ZNF846: variants seen among roughly 807,000 people sequenced by gnomAD.
ZNF846 encodes the protein zinc finger protein 846, also known as zinc finger protein 420 pseudogene.
In ZNF846, 15 loss-of-function variants were observed where a neutral mutation model predicts 16.0. That is an observed-to-expected ratio of 0.94 (90% CI 0.63 to 1.45). The LOEUF (loss-of-function observed/expected upper bound fraction) is 1.45, where lower values mean the gene tolerates loss of function less well. Ranked by LOEUF, ZNF846 falls within the 40% of genes most tolerant of loss-of-function variation. The probability of loss-of-function intolerance (pLI) is 0.00; values close to 1 mark genes in which losing one functional copy is unlikely to be tolerated. For missense variants in ZNF846, 714 were observed against 622.3 expected (o/e 1.15, Z -1.57); for synonymous variants, 229 against 212.0 (o/e 1.08, Z -0.70).
chr19:9,774,982 G>A, intron 1 of ZNF846: 1 of 1,604,662 alleles, frequency 6.2e-7, no homozygotes, highest in Admixed American at 1.7e-5. Context: ...ATTGGTTCCA[G>A]CAAGTGTAAG....
At chr19:9,759,052 G>A (rs1264607246) in intron 5 of ZNF846, among the ~76,000 whole-genome samples, 1 of 151,688 alleles carries the variant, frequency 6.6e-6, no homozygotes, top group African/African-American at 2.4e-5. Context: ...AGGCTGAAGT[G>A]CAGTGGCACG....
chr19:9,753,222 T>C (rs533505820), downstream of ZNF846, among the ~76,000 whole-genome samples: 28 of 100,034 alleles, frequency 2.8e-4, 2 homozygotes, highest in African/African-American at 1.1e-3. Context: ...GAGACAAAAT[T>C]TATTTATTTA....
intron 1 of ZNF846, among the ~76,000 whole-genome samples, chr19:9,780,075 G>C (rs1170338846): frequency 5.0e-5 from 6 of 120,298 alleles, no homozygotes; most frequent in African/African-American, 2.4e-4. Context: ...TTTTTTTGTA[G>C]AGATGAGGTC....
downstream of ZNF846, chr19:9,756,299 ACGTG>A (rs1252676981): frequency 7.0e-6 from 1 of 143,658 alleles, no homozygotes; most frequent in Non-Finnish European, 1.5e-5. Flanking sequence ...AATAATACAT[ACGTG>A]TGTGTATGTG....
intron 1 of ZNF846, among the ~76,000 whole-genome samples, chr19:9,776,382 A>G (rs1198237066): frequency 6.6e-6 from 1 of 152,178 alleles, no homozygotes; most frequent in Non-Finnish European, 1.5e-5. Flanking sequence ...TGCCTTCTAG[A>G]TAGCAGTAGT....
downstream of ZNF846, among the ~76,000 whole-genome samples, chr19:9,754,160 G>C (rs550926007): frequency 6.6e-6 from 1 of 151,388 alleles, no homozygotes; most frequent in Non-Finnish European, 1.5e-5. Context: ...TTTACTTCAA[G>C]TTTACTTTGT....
intron 1 of ZNF846, among the ~76,000 whole-genome samples, chr19:9,785,022 C>G (rs918493167): frequency 6.6e-6 from 1 of 152,136 alleles, no homozygotes; most frequent in Non-Finnish European, 1.5e-5. Flanking sequence ...AGTCTGATCT[C>G]TCTTTTCCCC....
intron 1 of ZNF846, among the ~76,000 whole-genome samples, chr19:9,779,104 C>T (rs2045475710): frequency 6.6e-6 from 1 of 152,194 alleles, no homozygotes; most frequent in South Asian, 2.1e-4. Context: ...AGATTAATAT[C>T]CACTTTCTAG....
At chr19:9,768,075 G>A (rs1361636026) in intron 1 of ZNF846, among the ~76,000 whole-genome samples, 1 of 152,186 alleles carries the variant, frequency 6.6e-6, no homozygotes, top group Non-Finnish European at 1.5e-5. Context: ...AGCTCTTTGG[G>A]AGGTACTGAC....
At chr19:9,784,333 C>G (rs184294954) in intron 1 of ZNF846, among the ~76,000 whole-genome samples, 2 of 152,052 alleles carry the variant, frequency 1.3e-5, no homozygotes, top group Non-Finnish European at 2.9e-5. Flanking sequence ...GAGCAAAGGA[C>G]GCTATGTCAC....
intron 1 of ZNF846, among the ~76,000 whole-genome samples, chr19:9,773,817 A>G (rs1314133254): frequency 6.6e-6 from 1 of 152,190 alleles, no homozygotes; most frequent in East Asian, 1.9e-4. Context: ...GTAAATAAGC[A>G]TAGAATTGCA....
At chr19:9,777,149 G>GCACACACACA (rs113160573) in intron 1 of ZNF846, among the ~76,000 whole-genome samples, 22 of 131,746 alleles carry the variant, frequency 1.7e-4, no homozygotes, top group Middle Eastern at 3.6e-3. Flanking sequence ...ACACACACAC[G>GCACACACACA]CACACACACA....
exon 6 of ZNF846, chr19:9,758,544 G>T: frequency 2.5e-6 from 4 of 1,613,148 alleles, no homozygotes; most frequent in Non-Finnish European, 3.4e-6. Context: ...CTGGTTGAAG[G>T]CTTTTTCATG....
At chr19:9,774,361 G>C (rs1403281459) in intron 1 of ZNF846, 3 of 486,294 alleles carry the variant, frequency 6.2e-6, no homozygotes, top group South Asian at 2.1e-5. Flanking sequence ...CCAGCTACTC[G>C]GGAGGCTGAG....
chr19:9,768,859 T>C (rs2045362638), upstream of ZNF846: 1 of 152,254 alleles, frequency 6.6e-6, no homozygotes, highest in South Asian at 2.1e-4. Flanking sequence ...GGGCCACCTC[T>C]TCGACACGCG....
At chr19:9,763,335 C>T (rs1450447098) in exon 3 of ZNF846, 1 of 1,612,112 alleles carries the variant, frequency 6.2e-7, no homozygotes, top group Non-Finnish European at 8.5e-7. Flanking sequence ...GTAGAGATCT[C>T]TCTGGGCTTG....
chr19:9,760,608 T>C (rs2045209845), intron 4 of ZNF846, among the ~76,000 whole-genome samples: 1 of 150,096 alleles, frequency 6.7e-6, no homozygotes, highest in South Asian at 2.1e-4. Flanking sequence ...GGCTGAGTCA[T>C]GAGAATCACT....
exon 6 of ZNF846, chr19:9,758,045 T>C (rs775945848): frequency 1.2e-6 from 2 of 1,612,662 alleles, no homozygotes; most frequent in Non-Finnish European, 1.7e-6. Flanking sequence ...TAAAAGCTTT[T>C]CCACACTCCT....
downstream of ZNF846, among the ~76,000 whole-genome samples, chr19:9,751,245 A>T (rs1226349882): frequency 1.3e-5 from 2 of 151,930 alleles, no homozygotes; most frequent in Non-Finnish European, 2.9e-5. Flanking sequence ...CCAAAATCTT[A>T]CTTCAGTCTA....
Sources: allele counts gnomAD v4.1 joint callset (sites outside exome capture counted in the v4.1 genomes callset), GRCh38; gene constraint gnomAD v4.1.1; transcripts MANE v1.5; gene names NCBI Gene and HGNC (gene_info 2026-07-23, HGNC 2026-07-21).